LSMEM2: variants seen among roughly 807,000 people sequenced by gnomAD.
The protein encoded by LSMEM2 is leucine rich single-pass membrane protein 2.
Under a neutral mutation model 17.3 loss-of-function variants are expected in LSMEM2, and 20 were observed. The ratio of observed to expected loss-of-function variants is 1.16; its 90% CI spans 0.81 to 1.68. LSMEM2 has a LOEUF of 1.68. Among genes scored for constraint, LSMEM2 ranks in the 40% most tolerant of loss-of-function variants. The pLI, the probability that LSMEM2 is intolerant of heterozygous loss-of-function variation, is 0.00. For synonymous variants in LSMEM2, 94 were observed against 97.8 expected (o/e 0.96, Z 0.23); for missense variants, 207 against 214.3 (o/e 0.97, Z 0.21).
intron 1 of LSMEM2, among the ~76,000 whole-genome samples, chr3:50,279,793 G>A (rs1012296652): frequency 1.3e-5 from 2 of 152,134 alleles, no homozygotes; most frequent in Non-Finnish European, 1.5e-5. Flanking sequence ...TGGCCAGGAC[G>A]TAGGACTGTC....
At chr3:50,282,271 G>A (rs77546415) in intron 1 of LSMEM2, among the ~76,000 whole-genome samples, 1 of 152,178 alleles carries the variant, frequency 6.6e-6, no homozygotes, top group African/African-American at 2.4e-5. Flanking sequence ...TTACAGGCAT[G>A]AGCCACAGTG....
intron 1 of LSMEM2, among the ~76,000 whole-genome samples, chr3:50,280,738 A>C (rs1476292223): frequency 7.4e-5 from 11 of 149,646 alleles, no homozygotes; most frequent in Non-Finnish European, 1.5e-4. Context: ...GGACTACAGG[A>C]GCCCGCCACT....
At chr3:50,285,364 T>G (rs1701492160) in intron 1 of LSMEM2, among the ~76,000 whole-genome samples, 1 of 149,414 alleles carries the variant, frequency 6.7e-6, no homozygotes, top group African/African-American at 2.5e-5. Flanking sequence ...AACGACCAAA[T>G]GCAGTGGCTC....
intron 1 of LSMEM2, among the ~76,000 whole-genome samples, chr3:50,284,776 C>T (rs1253215271): frequency 6.6e-6 from 1 of 152,136 alleles, no homozygotes; most frequent in Non-Finnish European, 1.5e-5. Context: ...TGGCTCACGC[C>T]TGTAATCCCA....
intron 1 of LSMEM2, among the ~76,000 whole-genome samples, chr3:50,279,866 T>A (rs1325329456): frequency 6.6e-6 from 1 of 151,486 alleles, no homozygotes; most frequent in Non-Finnish European, 1.5e-5. Flanking sequence ...GCTCCTCTTA[T>A]CACATTTTCA....
Position 50,287,864 on chromosome 3 carries a change from C to A in LSMEM2, c.*662C>A, listed in dbSNP as rs936692994. Reference sequence around the variant, plus strand: ...GCATTTGTCCAGATGCCACCACCCCCCTAAGAGTGGGTCATCCTGGGGGAG... The same window carrying A: ...GCATTTGTCCAGATGCCACCACCCCACTAAGAGTGGGTCATCCTGGGGGAG... On this transcript the variant is annotated 3_prime_UTR_variant, in exon 4 of 4. Transcript: ENST00000316436. The A allele has an allele frequency of 8.6e-6, 3 of 349,124 alleles. No homozygotes were observed. The highest frequency in any genetic ancestry group is 2.1e-5 in the African/African-American group (1 of 48,230). 21.6% of individuals were successfully genotyped at this position (349,124 alleles called of 1,614,324 possible). A position where few individuals can be genotyped will look rare whatever the true frequency, so the allele number is the denominator to read the frequency against.
chr3:50,283,626 CAAAAAAAAA>C (rs782534727), intron 1 of LSMEM2, among the ~76,000 whole-genome samples: 1 of 53,592 alleles, frequency 1.9e-5, no homozygotes, highest in South Asian at 6.4e-4. Context: ...GACTCCATCT[CAAAAAAAAA>C]AAAAAAAAAA....
At position 50,287,307 on chromosome 3, in the gene LSMEM2, T is replaced by A; in HGVS notation, c.*105T>A. On this transcript the variant is annotated 3_prime_UTR_variant, in exon 4 of 4. Coordinates refer to ENST00000316436, the MANE Select transcript of LSMEM2 (RefSeq NM_153215.3). Reference sequence around the variant, plus strand: ...CTGCTGGCTGCCACATCTACACTATTTCCTTGGTGAGATTTTTGTACAAGA... The same window carrying A: ...CTGCTGGCTGCCACATCTACACTATATCCTTGGTGAGATTTTTGTACAAGA... The A allele has an allele frequency of 6.9e-7, 1 of 1,440,420 alleles. No individual in the cohort carries two copies. Among genetic ancestry groups the A allele is most frequent in the South Asian group, 1.2e-5 (1 of 82,306 alleles). 89.2% of individuals were successfully genotyped at this position (1,440,420 alleles called of 1,614,324 possible). A position where few individuals can be genotyped will look rare whatever the true frequency, so the allele number is the denominator to read the frequency against.
rs782291441 is a variant in LSMEM2 at position 50,286,781 on chromosome 3, A to G, written c.280A>G (p.Arg94Gly). Residue 94 changes from arginine (R) to glycine (G), a missense_variant, in exon 3 of 4, where the codon AGA (arginine) becomes GGA (glycine). Coordinates refer to ENST00000316436, the MANE Select transcript of LSMEM2 (RefSeq NM_153215.3). ...CCAGGCTGGCTGCAGCCCTGTGTAC[A>G]GACGAGGAGGGTTCCTGCTGCTGCT... ...CAQAGCSPVY[R>G]RGGFLLLLAL... is the part of the protein sequence containing the mutation. 4 of 1,614,226 alleles carry G rather than the reference A, an allele frequency of 2.5e-6. No individual in the cohort carries two copies. In the South Asian group the frequency reaches 4.4e-5, roughly 18 times the overall value.
Position 50,287,056 on chromosome 3 carries a change from T to C in LSMEM2, c.362-13T>C. Reference sequence around the variant, plus strand: ...GGCACATGGTCTGATGATCCCCCACTTCCCATTCACAGTGCTGCAGAGTGA... The same window carrying C: ...GGCACATGGTCTGATGATCCCCCACCTCCCATTCACAGTGCTGCAGAGTGA... On this transcript the variant is annotated splice_polypyrimidine_tract_variant and intron_variant, in intron 3 of 3. Coordinates refer to ENST00000316436, the MANE Select transcript of LSMEM2 (RefSeq NM_153215.3). 6.2e-7 allele frequency: 1 copy of C among 1,613,800 alleles called. No individual in the cohort carries two copies. The highest frequency in any genetic ancestry group is 8.5e-7 in the Non-Finnish European group (1 of 1,179,740).
intron 1 of LSMEM2, among the ~76,000 whole-genome samples, chr3:50,284,774 G>A (rs955215415): frequency 6.6e-6 from 1 of 151,984 alleles, no homozygotes. Context: ...GATGGCTCAC[G>A]CCTGTAATCC....
rs1317444298 is a variant in LSMEM2 at position 50,287,246 on chromosome 3, G to A, written c.*44G>A. ...GGCCTGGGGGTGTGTGTTGGTGGGG[G>A]AATAAAGTGGCTATGGGCAGGTCTC... On this transcript the variant is annotated 3_prime_UTR_variant, in exon 4 of 4. Transcript: ENST00000316436. 1 of 1,579,854 alleles carries A rather than the reference G, an allele frequency of 6.3e-7. No homozygotes were observed. The highest frequency in any genetic ancestry group is 2.5e-5 in the East Asian group (1 of 39,670).
At chr3:50,286,617 G>C in intron 2 of LSMEM2, 33 bp downstream of exon 2, 2 of 1,611,120 alleles carry the variant, frequency 1.2e-6, no homozygotes, top group Non-Finnish European at 1.7e-6. Flanking sequence ...ATGATGTGCT[G>C]GGGGAGGGGA....
At chr3:50,280,814 C>T (rs1274322459) in intron 1 of LSMEM2, among the ~76,000 whole-genome samples, 1 of 151,394 alleles carries the variant, frequency 6.6e-6, no homozygotes, top group Non-Finnish European at 1.5e-5. Flanking sequence ...GGCATGGTCT[C>T]GATCTTCTGA....
chr3:50,281,352 G>GC (rs1430317838), intron 1 of LSMEM2, among the ~76,000 whole-genome samples: 28 of 142,916 alleles, frequency 2.0e-4, no homozygotes, highest in Admixed American at 4.4e-4. Context: ...GGGCCACTGC[G>GC]CCCGGCCCTT....
At chr3:50,278,677 C>T (rs149298751), upstream of LSMEM2, among the ~76,000 whole-genome samples, 1 of 152,316 alleles carries the variant, frequency 6.6e-6, no homozygotes, top group East Asian at 1.9e-4. Flanking sequence ...GCATTGTGTG[C>T]TAGCAGGTCA....
Position 50,287,779 on chromosome 3 carries a change from C to A in LSMEM2, c.*577C>A. ...GTTCTGTTTAATTATCTGTAATAAT[C>A]CTTAAAAATCAGCACACAAATCCAT... On this transcript the variant is annotated 3_prime_UTR_variant, in exon 4 of 4. Transcript: ENST00000316436. The A allele has an allele frequency of 4.3e-6, 1 of 233,252 alleles. No homozygotes were observed. Among genetic ancestry groups the A allele is most frequent in the Non-Finnish European group, 8.5e-6 (1 of 117,380 alleles). 14.4% of individuals were successfully genotyped at this position (233,252 alleles called of 1,614,324 possible). A position where few individuals can be genotyped will look rare whatever the true frequency, so the allele number is the denominator to read the frequency against.
rs1553708569 is a variant in LSMEM2 at position 50,286,712 on chromosome 3, C to A, written c.211C>A (p.Pro71Thr). Reference protein sequence around the residue: ...LRPYLTEEARPWDELLGVLPP... With the variant: ...LRPYLTEEARTWDELLGVLPP... ...CCCCTATCTAACTGAAGAGGCACGA[C>A]CGTGGGATGAGCTGCTGGGCGTTTT... The change falls in exon 3 of 4, where the codon CCG (proline) becomes ACG (threonine). Residue 71 changes from proline to threonine, a missense_variant. Coordinates refer to ENST00000316436, the MANE Select transcript of LSMEM2 (RefSeq NM_153215.3). The A allele has an allele frequency of 6.2e-7, 1 of 1,614,214 alleles. No homozygotes were observed. The highest frequency in any genetic ancestry group is 8.5e-7 in the Non-Finnish European group (1 of 1,180,030).
Position 50,287,414 on chromosome 3 carries a change from G to T in LSMEM2, c.*212G>T. On this transcript the variant is annotated 3_prime_UTR_variant, in exon 4 of 4. Transcript: ENST00000316436. ...GCCAAGCCTCTGGTGCCAAAGCCTC[G>T]CTTTGGGTGGCCCAAGGTCAGGGGA... is the stretch of plus-strand genomic sequence containing the variant. 2 of 676,644 alleles carry T rather than the reference G, an allele frequency of 3.0e-6. No homozygotes were observed. The highest frequency in any genetic ancestry group is 4.9e-6 in the Non-Finnish European group (2 of 411,354). 41.9% of individuals were successfully genotyped at this position (676,644 alleles called of 1,614,324 possible). A position where few individuals can be genotyped will look rare whatever the true frequency, so the allele number is the denominator to read the frequency against.
Sources: allele counts gnomAD v4.1 joint callset (sites outside exome capture counted in the v4.1 genomes callset), GRCh38; gene constraint gnomAD v4.1.1; transcripts MANE v1.5; gene names NCBI Gene and HGNC (gene_info 2026-07-23, HGNC 2026-07-21).